Variants in TMEM131 observed in about 807,000 individuals in gnomAD.
TMEM131 encodes transmembrane protein 131.
TMEM131 carries 66 observed loss-of-function variants against 211.6 expected under a neutral mutation model. The ratio of observed to expected loss-of-function variants is 0.31; its 90% CI spans 0.26 to 0.38. The LOEUF is 0.38. Ranked by LOEUF, TMEM131 falls within the 10% of genes least tolerant of loss-of-function variation. The pLI is 1.00. For missense variants in TMEM131, 2,036 were observed against 2,299.3 expected (o/e 0.89, Z 2.34); for synonymous variants, 844 against 841.3 (o/e 1.00, Z -0.06).
chr2:97,924,753 C>T (rs113739647), intron 2 of TMEM131, among the ~76,000 whole-genome samples: 3 of 152,154 alleles, frequency 2.0e-5, no homozygotes, highest in African/African-American at 7.2e-5. Context: ...TGGCCAAGGG[C>T]GTGAACCTCT....
At chr2:97,861,315 C>T (rs999631226) in intron 4 of TMEM131, among the ~76,000 whole-genome samples, 1 of 151,754 alleles carries the variant, frequency 6.6e-6, no homozygotes, top group African/African-American at 2.4e-5. Context: ...GGAGTGCTTG[C>T]ACCACTCCTC....
chr2:97,884,310 A>C (rs1351734418), intron 4 of TMEM131, among the ~76,000 whole-genome samples: 1 of 152,194 alleles, frequency 6.6e-6, no homozygotes, highest in Non-Finnish European at 1.5e-5. Flanking sequence ...AATTTAAAAA[A>C]ATTTTTTTGA....
chr2:97,874,608 CAT>C (rs1384801066), intron 4 of TMEM131, among the ~76,000 whole-genome samples: 1 of 152,212 alleles, frequency 6.6e-6, no homozygotes, highest in Non-Finnish European at 1.5e-5. Flanking sequence ...CCCAGAATTT[CAT>C]ATCCAGCCAA....
intron 1 of TMEM131, among the ~76,000 whole-genome samples, chr2:97,993,056 A>G (rs1680332660): frequency 2.6e-5 from 4 of 152,240 alleles, no homozygotes; most frequent in Admixed American, 2.6e-4. Flanking sequence ...TCCAAACATG[A>G]AAAACTACAT....
intron 2 of TMEM131, among the ~76,000 whole-genome samples, chr2:97,909,330 G>A (rs544494863): frequency 3.9e-5 from 6 of 152,164 alleles, no homozygotes; most frequent in Non-Finnish European, 7.3e-5. Context: ...TCAAGAAACA[G>A]ATGGCAGGTC....
intron 11 of TMEM131, among the ~76,000 whole-genome samples, chr2:97,829,397 G>A (rs528991093): frequency 2.0e-5 from 3 of 151,726 alleles, no homozygotes; most frequent in South Asian, 2.1e-4. Context: ...ACCAATCAGC[G>A]CTCTGTGTCT....
chr2:97,766,109 C>G lies in TMEM131; in HGVS notation c.4723+5G>C. 6.2e-7 allele frequency: 1 copy of G among 1,613,908 alleles called. No individual in the cohort carries two copies. Among genetic ancestry groups the G allele is most frequent in the East Asian group, 2.2e-5 (1 of 44,886 alleles). On this transcript the variant is annotated splice_donor_5th_base_variant and intron_variant, in intron 35 of 40. Transcript: ENST00000186436. ...GCCCTGTGGTTTCTAAACTACTATA[C>G]TTACAGCTGCCAGGTTTGTGAACTG...
At chr2:97,880,664 T>C (rs966472615) in intron 4 of TMEM131, among the ~76,000 whole-genome samples, 5 of 151,838 alleles carry the variant, frequency 3.3e-5, no homozygotes, top group Admixed American at 3.3e-4. Flanking sequence ...CAAGACATGG[T>C]GAGTTTAGTG....
intron 5 of TMEM131, among the ~76,000 whole-genome samples, chr2:97,855,928 T>G (rs1673825208): frequency 6.6e-6 from 1 of 152,166 alleles, no homozygotes; most frequent in Non-Finnish European, 1.5e-5. Context: ...ATCATTAATA[T>G]TTATTAACAC....
intron 1 of TMEM131, among the ~76,000 whole-genome samples, chr2:97,987,503 AAAAAACAAAAAAAC>A (rs1680079135): frequency 1.3e-5 from 2 of 152,052 alleles, no homozygotes; most frequent in Admixed American, 1.3e-4. Context: ...CTCTGTCTCA[AAAAAACAAAAAAAC>A]AAAAACAAAA....
chr2:97,838,119 G>A (rs1461264638), intron 7 of TMEM131, among the ~76,000 whole-genome samples: 3 of 152,242 alleles, frequency 2.0e-5, no homozygotes, highest in East Asian at 1.9e-4. Context: ...GGACATTTGA[G>A]TTGTTTCCAA....
chr2:97,839,830 T>C (rs1378295368), intron 7 of TMEM131, among the ~76,000 whole-genome samples: 1 of 152,224 alleles, frequency 6.6e-6, no homozygotes, highest in Admixed American at 6.5e-5. Context: ...CGGCTACTGT[T>C]TTGGACAAAG....
At chr2:97,948,393 G>A (rs1028561824) in intron 1 of TMEM131, among the ~76,000 whole-genome samples, 11 of 152,014 alleles carry the variant, frequency 7.2e-5, no homozygotes, top group Non-Finnish European at 1.5e-4. Context: ...AAAAAGATGT[G>A]AACAGACATT....
intron 1 of TMEM131, among the ~76,000 whole-genome samples, chr2:97,981,537 G>A (rs1011755291): frequency 1.1e-4 from 16 of 152,100 alleles, no homozygotes; most frequent in Admixed American, 2.0e-4. Flanking sequence ...GTGAGAAATG[G>A]TATCTCATTT....
chr2:97,796,810 A>C lies in TMEM131; in HGVS notation c.3013+34T>G, dbSNP rs1365018919. On this transcript the variant is annotated intron_variant, in intron 27 of 40. Transcript: ENST00000186436. The stretch of plus-strand genomic sequence containing the variant: ...ATTTACTGTTGAAAGCAAATGCTGA[A>C]ATTAGTGTCCTTGAAACTGTTAGGA... 10 of 1,597,612 alleles carry C rather than the reference A, an allele frequency of 6.3e-6. No individual in the cohort carries two copies. In the Admixed American group the frequency reaches 8.7e-5, roughly 14 times the overall value.
chr2:97,831,694 C>T (rs1559387432), intron 11 of TMEM131, among the ~76,000 whole-genome samples: 1 of 72,172 alleles, frequency 1.4e-5, no homozygotes, highest in African/African-American at 6.1e-5. Flanking sequence ...TTTTTTGAGA[C>T]AGTCTCGGTC....
intron 1 of TMEM131, among the ~76,000 whole-genome samples, chr2:97,981,753 C>G (rs1355529450): frequency 6.6e-6 from 1 of 152,136 alleles, no homozygotes; most frequent in Non-Finnish European, 1.5e-5. Flanking sequence ...TCTATTTTGT[C>G]TCTGTGGATT....
chr2:97,943,121 T>C (rs976212553), intron 1 of TMEM131, among the ~76,000 whole-genome samples: 17 of 150,772 alleles, frequency 1.1e-4, no homozygotes, highest in African/African-American at 3.9e-4. Flanking sequence ...TGGTGGTGCA[T>C]GCCTGTATTC....
intron 1 of TMEM131, among the ~76,000 whole-genome samples, chr2:97,993,538 G>A (rs560025818): frequency 1.3e-5 from 2 of 152,266 alleles, no homozygotes; most frequent in East Asian, 3.9e-4. Flanking sequence ...GTTTATGATG[G>A]GTAGAGGCCT....
Sources: allele counts gnomAD v4.1 joint callset (sites outside exome capture counted in the v4.1 genomes callset), GRCh38; gene constraint gnomAD v4.1.1; transcripts MANE v1.5; gene names NCBI Gene and HGNC (gene_info 2026-07-23, HGNC 2026-07-21).